Variants in IARS2 observed in about 807,000 individuals in gnomAD.
IARS2 encodes isoleucine--tRNA ligase, mitochondrial.
In IARS2, 56 loss-of-function variants were observed where a neutral mutation model predicts 126.3. The observed-to-expected ratio is 0.44, with a 90% confidence interval of 0.36 to 0.55. The LOEUF (loss-of-function observed/expected upper bound fraction) is 0.55, where lower values mean the gene tolerates loss of function less well. IARS2 is among the 20% of genes least tolerant of loss of function. IARS2 has a pLI of 0.00. For missense variants in IARS2, 1,127 were observed against 1,245.9 expected (o/e 0.90, Z 1.44); for synonymous variants, 407 against 441.1 (o/e 0.92, Z 0.97).
chr1:220,100,095 C>G (rs1453190046), intron 2 of IARS2, among the ~76,000 whole-genome samples: 1 of 152,134 alleles, frequency 6.6e-6, no homozygotes, highest in African/African-American at 2.4e-5. Flanking sequence ...CTGCTGCCCT[C>G]TGGTATCTAA....
intron 21 of IARS2, chr1:220,144,104 T>C (rs1657540634): frequency 1.1e-6 from 1 of 932,826 alleles, no homozygotes; most frequent in Non-Finnish European, 1.7e-6. Context: ...AGATCTTTGC[T>C]TTGCACATCA....
chr1:220,145,473 T>G, intron 21 of IARS2, 36 bp from the exon 22 acceptor site: 1 of 1,569,102 alleles, frequency 6.4e-7, no homozygotes, highest in South Asian at 1.2e-5. Context: ...GGTACAAATT[T>G]AACATAAACT....
intron 22 of IARS2, among the ~76,000 whole-genome samples, chr1:220,147,171 GC>G (rs1657614297): frequency 6.6e-6 from 1 of 152,142 alleles, no homozygotes; most frequent in Non-Finnish European, 1.5e-5. Flanking sequence ...AGCTGGAGAG[GC>G]AGTGTCATTC....
At chr1:220,132,830 G>A (rs1479211532) in intron 14 of IARS2, among the ~76,000 whole-genome samples, 1 of 151,824 alleles carries the variant, frequency 6.6e-6, no homozygotes. Flanking sequence ...CCAGCCCCAT[G>A]TCTCCTTTTT....
In IARS2 at chr1:220,147,493, G is replaced by A. The variant is rs750557412; in HGVS notation, c.2897G>A (p.Gly966Asp). ...ATACTCTTCATGTATTTTTTTATAGGTGGTGATATTCGTGAAGAGTCTTCC... is the reference window on the plus strand; with the variant it reads ...ATACTCTTCATGTATTTTTTTATAGATGGTGATATTCGTGAAGAGTCTTCC... ...LKGKFLINLE[G>D]GDIREESSYK... is the part of the protein sequence containing the mutation. The change falls in exon 23 of 23, where the codon GGT becomes GAT. Residue 966 changes from glycine to aspartate, a missense_variant and splice_region_variant. Transcript: ENST00000366922. 1.7e-5 allele frequency: 27 copies of A among 1,613,634 alleles called. No homozygotes were observed. Among genetic ancestry groups the A allele is most frequent in the Non-Finnish European group, 2.2e-5 (26 of 1,179,742 alleles).
chr1:220,107,432 C>A (rs1323106175), intron 10 of IARS2, among the ~76,000 whole-genome samples: 1 of 152,114 alleles, frequency 6.6e-6, no homozygotes, highest in Non-Finnish European at 1.5e-5. Context: ...CAATCAAGAT[C>A]AGGGCTGGAT....
At position 220,140,212 on chromosome 1, in the gene IARS2, T is replaced by C. The variant is rs200678559; in HGVS notation, c.2337T>C (p.Phe779=). 2.5e-6 allele frequency: 4 copies of C among 1,612,756 alleles called. No individual in the cohort carries two copies. Among genetic ancestry groups the C allele is most frequent in the South Asian group, 2.2e-5 (2 of 91,056 alleles). ...KITELYKQYD[F]GKVVRLLRTF... is the part of the protein sequence containing the mutation. ...CCGAATTATACAAACAATATGATTTTGGAAAAGTTGTTCGGCTGTTACGGA... is the reference window on the plus strand; with the variant it reads ...CCGAATTATACAAACAATATGATTTCGGAAAAGTTGTTCGGCTGTTACGGA... The change falls in exon 19 of 23, where the codon TTT becomes TTC. Residue 779 remains phenylalanine, a synonymous_variant. Transcript: ENST00000366922.
chr1:220,116,368 G>A (rs1191381082), intron 12 of IARS2, among the ~76,000 whole-genome samples: 1 of 152,172 alleles, frequency 6.6e-6, no homozygotes, highest in East Asian at 1.9e-4. Flanking sequence ...GAGGCTTTGA[G>A]TGTTGTTGCT....
In IARS2 at chr1:220,096,100, A is replaced by G; in HGVS notation, c.268-4A>G. On this transcript the variant is annotated splice_region_variant and splice_polypyrimidine_tract_variant and intron_variant, in intron 1 of 22. Coordinates refer to ENST00000366922, the MANE Select transcript of IARS2 (RefSeq NM_018060.4). The stretch of plus-strand genomic sequence containing the variant: ...TTTAGATATCTTTTTTTTTTTTAAA[A>G]CAGAAATGTGGATTTTCAGAACTTT... 1 of 1,430,288 alleles carries G rather than the reference A, an allele frequency of 7.0e-7. No individual in the cohort carries two copies. The highest frequency in any genetic ancestry group is 9.7e-7 in the Non-Finnish European group (1 of 1,032,718). 88.6% of individuals were successfully genotyped at this position (1,430,288 alleles called of 1,614,324 possible). A position where few individuals can be genotyped will look rare whatever the true frequency, so the allele number is the denominator to read the frequency against.
chr1:220,147,853 G>GTATC lies in IARS2; in HGVS notation c.*220_*223dup, dbSNP rs1286141305. The GTATC allele has an allele frequency of 9.4e-6, 5 of 532,926 alleles. No individual in the cohort carries two copies. Among genetic ancestry groups the GTATC allele is most frequent in the African/African-American group, 3.8e-5 (2 of 53,304 alleles). 33.0% of individuals were successfully genotyped at this position (532,926 alleles called of 1,614,324 possible). A position where few individuals can be genotyped will look rare whatever the true frequency, so the allele number is the denominator to read the frequency against. Reference sequence around the variant, plus strand: ...CATGCAGAAATATATATGTGTGTGTGTATCTGTGGATGGATATATGTATAT... The same window carrying GTATC: ...CATGCAGAAATATATATGTGTGTGTGTATCTATCTGTGGATGGATATATGTATAT... On this transcript the variant is annotated 3_prime_UTR_variant, in exon 23 of 23. Coordinates refer to ENST00000366922, the MANE Select transcript of IARS2 (RefSeq NM_018060.4).
In IARS2 at chr1:220,108,856, CTTTTTTT is replaced by C. The variant is rs35836043; in HGVS notation, c.1327+1725_1327+1731del. On this transcript the variant is annotated intron_variant, in intron 10 of 22. Transcript: ENST00000366922. ...TCTTAAATGTCTCTCTGTGAATCCT[CTTTTTTT>C]TTTTTTTTTTTTTTTTTTTATTGGA... Among the ~76,000 whole-genome samples, 450 of 68,250 alleles carry C rather than the reference CTTTTTTT, an allele frequency of 6.6e-3. 1 individual carries two copies. The highest frequency in any genetic ancestry group is 0.026 in the African/African-American group (356 of 13,736). The allele number at this position is 68,250 out of a possible 152,430, so 44.8% of individuals were successfully genotyped here.
Position 220,126,832 on chromosome 1 carries a change from A to G in IARS2, c.1826A>G (p.Tyr609Cys), listed in dbSNP as rs775682743. The change falls in exon 14 of 23, where the codon TAT (tyrosine) becomes TGT (cysteine). Residue 609 changes from tyrosine to cysteine, a missense_variant. Coordinates refer to ENST00000366922, the MANE Select transcript of IARS2 (RefSeq NM_018060.4). ...IWFDSGTSWS[Y>C]VLPGPDQRAD... The stretch of plus-strand genomic sequence containing the variant: ...TTTGATAGCGGAACTTCATGGTCTT[A>G]TGTTCTTCCAGGTAATTCTTAAAAA... 5 of 1,606,418 alleles carry G rather than the reference A, an allele frequency of 3.1e-6. No homozygotes were observed. The highest frequency in any genetic ancestry group is 2.2e-5 in the South Asian group (2 of 89,376).
intron 18 of IARS2, among the ~76,000 whole-genome samples, chr1:220,139,789 G>A (rs570634443): frequency 3.0e-4 from 45 of 152,174 alleles, no homozygotes; most frequent in African/African-American, 1.1e-3. Flanking sequence ...TTGGAAATGT[G>A]TTTGCATTAG....
Position 220,140,183 on chromosome 1 carries a change from A to G in IARS2, c.2308A>G (p.Ile770Val), listed in dbSNP as rs1558131727. The G allele has an allele frequency of 1.3e-6, 2 of 1,597,434 alleles. No individual in the cohort carries two copies. Among genetic ancestry groups the G allele is most frequent in the Middle Eastern group, 1.7e-4 (1 of 6,024 alleles). The change falls in exon 19 of 23, where the codon ATT (isoleucine) becomes GTT (valine). Residue 770 changes from isoleucine (I) to valine (V), a missense_variant and splice_region_variant. Ile to Val is a conservative substitution (Grantham distance 29). Coordinates refer to ENST00000366922, the MANE Select transcript of IARS2 (RefSeq NM_018060.4). ...AATTTATTTTGGCTTTGTTCCCTAG[A>G]TTACCGAATTATACAAACAATATGA... is the stretch of plus-strand genomic sequence containing the variant. The part of the protein sequence containing the change: ...LHLLQDLANK[I>V]TELYKQYDFG...
At chr1:220,143,749 T>C (rs1442955532) in intron 21 of IARS2, among the ~76,000 whole-genome samples, 1 of 152,212 alleles carries the variant, frequency 6.6e-6, no homozygotes, top group East Asian at 1.9e-4. Flanking sequence ...TTACCACATA[T>C]ATTTCAAAGC....
At position 220,105,957 on chromosome 1, in the gene IARS2, C is replaced by A. The variant is rs1191317082; in HGVS notation, c.1133C>A (p.Pro378His). The change falls in exon 9 of 23, where the codon CCT (proline) becomes CAT (histidine). Residue 378 changes from proline (P) to histidine (H), a missense_variant. By Grantham distance (77) the Pro-to-His change is moderately conservative (BLOSUM62 -2). Transcript: ENST00000366922. ...CCTGATAAAGCCTCTCCTCTTTTAC[C>A]TGCAAATCATGTGACCATGGCAAAA... is the stretch of plus-strand genomic sequence containing the variant. ...LIPDKASPLL[P>H]ANHVTMAKGT... is the part of the protein sequence containing the mutation. The A allele has an allele frequency of 6.2e-7, 1 of 1,613,910 alleles. No homozygotes were observed. The highest frequency in any genetic ancestry group is 2.2e-5 in the East Asian group (1 of 44,886).
At chr1:220,112,966 C>A (rs1186162559) in intron 11 of IARS2, among the ~76,000 whole-genome samples, 1 of 152,122 alleles carries the variant, frequency 6.6e-6, no homozygotes, top group Non-Finnish European at 1.5e-5. Context: ...TGGGTTCAAG[C>A]AATTCCCTGC....
chr1:220,141,754 C>G, intron 19 of IARS2, 49 bp from the exon 20 acceptor site: 1 of 1,590,790 alleles, frequency 6.3e-7, no homozygotes, highest in Non-Finnish European at 8.6e-7. Flanking sequence ...TCTAGGTGAC[C>G]ATAATGTATA....
chr1:220,094,847 A>T (rs1656403479), intron 1 of IARS2, among the ~76,000 whole-genome samples: 1 of 152,292 alleles, frequency 6.6e-6, no homozygotes, highest in East Asian at 1.9e-4. Flanking sequence ...ACATGTAAAT[A>T]AAAACCCAGG....
Sources: gnomAD v4.1 joint callset for allele counts (sites outside exome capture counted in the v4.1 genomes callset) on GRCh38, gnomAD v4.1.1 for gene constraint, MANE v1.5 for transcripts, NCBI Gene and HGNC (gene_info 2026-07-23, HGNC 2026-07-21) for gene names.